AKNA: variants seen among roughly 807,000 people sequenced by gnomAD.
AKNA encodes the protein microtubule organization protein AKNA.
A neutral mutation model predicts 138.8 loss-of-function variants in AKNA; 67 were observed. The observed-to-expected ratio is 0.48, with a 90% confidence interval of 0.40 to 0.59. The LOEUF (loss-of-function observed/expected upper bound fraction) is 0.59. AKNA is among the 20% of genes least tolerant of loss of function. The pLI, the probability that AKNA is intolerant of heterozygous loss-of-function variation, is 0.00. For missense variants in AKNA, 1,813 were observed against 1,880.4 expected, an observed-to-expected ratio of 0.96 and a Z score of 0.66; for synonymous variants, 737 against 754.4, an observed-to-expected ratio of 0.98 and a Z score of 0.38.
chr9:114,389,895 C>A (rs1834270543), upstream of AKNA, among the ~76,000 whole-genome samples: 1 of 152,152 alleles, frequency 6.6e-6, no homozygotes, highest in South Asian at 2.1e-4. Flanking sequence ...TATCCCCTTT[C>A]CTGCCTTTTA....
intron 12 of AKNA, among the ~76,000 whole-genome samples, 178 bp downstream of exon 12, chr9:114,357,743 T>C (rs1831604867): frequency 6.6e-6 from 1 of 151,630 alleles, no homozygotes; most frequent in East Asian, 1.9e-4. Context: ...GAGGGACAGG[T>C]TTGGGGGGTG....
At chr9:114,380,083 C>G (rs747492156) in intron 2 of AKNA, among the ~76,000 whole-genome samples, 4 of 151,288 alleles carry the variant, frequency 2.6e-5, no homozygotes, top group Non-Finnish European at 5.9e-5. Flanking sequence ...CCAGAAAGGT[C>G]GAGGCTGCAG....
chr9:114,387,511 A>G (rs947578049), intron 1 of AKNA, among the ~76,000 whole-genome samples: 2 of 152,134 alleles, frequency 1.3e-5, no homozygotes, highest in Non-Finnish European at 2.9e-5. Flanking sequence ...CCTGCTGCCC[A>G]TGCCTGCATC....
intron 4 of AKNA, among the ~76,000 whole-genome samples, chr9:114,372,728 T>C (rs1832864151): frequency 1.3e-5 from 2 of 152,206 alleles, no homozygotes; most frequent in African/African-American, 2.4e-5. Flanking sequence ...ACTTGGAGTC[T>C]GCAGCCATGG....
chr9:114,390,091 AC>A (rs1414060889), upstream of AKNA, among the ~76,000 whole-genome samples: 1 of 151,964 alleles, frequency 6.6e-6, no homozygotes, highest in Non-Finnish European at 1.5e-5. Context: ...GGCAGCATTA[AC>A]CCAGGTGGCT....
At chr9:114,364,446 C>G in intron 7 of AKNA, 114 bp downstream of exon 7, 1 of 1,079,892 alleles carries the variant, frequency 9.3e-7, no homozygotes, top group Non-Finnish European at 1.4e-6. Flanking sequence ...TAAAAGAGAC[C>G]CTGTGTCTGG....
intron 9 of AKNA, among the ~76,000 whole-genome samples, chr9:114,361,027 CCA>C (rs1437877400): frequency 6.6e-6 from 1 of 152,160 alleles, no homozygotes; most frequent in East Asian, 1.9e-4. Context: ...TCTCTTAAGT[CCA>C]CACATGCTTC....
downstream of AKNA, among the ~76,000 whole-genome samples, chr9:114,332,350 C>T (rs1214652631): frequency 5.3e-5 from 8 of 152,102 alleles, no homozygotes; most frequent in Non-Finnish European, 1.2e-4. Flanking sequence ...CACTGCAGCA[C>T]GGCCACAGTC....
intron 6 of AKNA, among the ~76,000 whole-genome samples, chr9:114,367,274 A>G (rs867895887): frequency 3.3e-5 from 5 of 152,120 alleles, no homozygotes; most frequent in Non-Finnish European, 5.9e-5. Flanking sequence ...GCCTAGAGAC[A>G]CTTCCAAGCA....
chr9:114,332,547 A>G (rs565835310), downstream of AKNA, among the ~76,000 whole-genome samples: 1 of 152,182 alleles, frequency 6.6e-6, no homozygotes, highest in East Asian at 1.9e-4. Context: ...TGACTATTCA[A>G]AGAAAAACAA....
intron 3 of AKNA, 141 bp from the exon 4 acceptor site, chr9:114,374,308 TGAGCA>T: frequency 1.2e-6 from 1 of 814,682 alleles, no homozygotes; most frequent in Non-Finnish European, 2.0e-6. Context: ...GGATCCGAGC[TGAGCA>T]ATCTTCAGGC....
At position 114,381,323 on chromosome 9, in the gene AKNA, G is replaced by A. The variant is rs1393273816; in HGVS notation, c.11C>T (p.Ser4Leu). Residue 4 changes from serine to leucine, a missense_variant, in exon 2 of 22, where the codon TCG (serine) becomes TTG (leucine). By Grantham distance (145) the Ser-to-Leu change is moderately radical. Transcript: ENST00000374088. Reference sequence around the variant, plus strand: ...CTCAGCCCAGCGGATCTCAGTCTCCGAGCTGGCCATTGGGGCTGGCCTGGG... The same window carrying A: ...CTCAGCCCAGCGGATCTCAGTCTCCAAGCTGGCCATTGGGGCTGGCCTGGG... Reference protein sequence around the residue: MASSETEIRWAEPG... With the variant: MASLETEIRWAEPG... The A allele has an allele frequency of 5.0e-6, 8 of 1,593,898 alleles. No individual in the cohort carries two copies. Among genetic ancestry groups the A allele is most frequent in the South Asian group, 3.4e-5 (3 of 88,872 alleles).
At chr9:114,392,782 T>A (rs1472511884), upstream of AKNA, among the ~76,000 whole-genome samples, 1 of 151,778 alleles carries the variant, frequency 6.6e-6, no homozygotes, top group Non-Finnish European at 1.5e-5. Flanking sequence ...TGGAGGGAGG[T>A]GCTGACATTT....
Position 114,352,708 on chromosome 9 carries a change from G to A in AKNA, c.3059-1687C>T, listed in dbSNP as rs1002168408. On this transcript the variant is annotated intron_variant, in intron 14 of 21. Transcript: ENST00000374088. ...GAGGCCGAGGCGGGCGGGTCACAAG[G>A]TCAGGAGTTCGAGACCAGCCTGACC... is the stretch of plus-strand genomic sequence containing the variant. 3.3e-5 allele frequency among the ~76,000 whole-genome samples: 5 copies of A among 152,262 alleles called. No individual in the cohort carries two copies. The South Asian group carries it at 6.2e-4, about 19-fold the overall frequency.
At position 114,335,895 on chromosome 9, in the gene AKNA, C is replaced by G. The variant is rs1829971142; in HGVS notation, c.*1159G>C. On this transcript the variant is annotated 3_prime_UTR_variant, in exon 22 of 22. Transcript: ENST00000374088. ...TGTGCCTCATTTACATCTCTGGCCTCAGTCAAAAGGGACTTGGCTAGGCAG... is the reference window on the plus strand; with the variant it reads ...TGTGCCTCATTTACATCTCTGGCCTGAGTCAAAAGGGACTTGGCTAGGCAG... 1 of 152,252 alleles carries G rather than the reference C, an allele frequency of 6.6e-6. No individual in the cohort carries two copies. The highest frequency in any genetic ancestry group is 1.5e-5 in the Non-Finnish European group (1 of 68,066). 9.4% of individuals were successfully genotyped at this position (152,252 alleles called of 1,614,324 possible). A position where few individuals can be genotyped will look rare whatever the true frequency, so the allele number is the denominator to read the frequency against.
chr9:114,382,772 C>G (rs1589032829), intron 1 of AKNA, among the ~76,000 whole-genome samples: 1 of 152,028 alleles, frequency 6.6e-6, no homozygotes, highest in Admixed American at 6.6e-5. Context: ...AATATCCAGG[C>G]AAGGTAACTC....
Position 114,381,156 on chromosome 9 carries a change from G to A in AKNA, c.178C>T (p.Arg60Cys), listed in dbSNP as rs774808237. Residue 60 changes from arginine to cysteine, a missense_variant, in exon 2 of 22, where the codon CGC (arginine) becomes TGC (cysteine). By Grantham distance (180) the Arg-to-Cys change is radical. Transcript: ENST00000374088. The part of the protein sequence containing the change: ...ATSPELLEDF[R>C]LAQQHLPPLE... ...GGCGGCAGGTGCTGCTGGGCCAGGC[G>A]GAAGTCCTCTAGGAGCTCGGGGCTG... The A allele has an allele frequency of 1.2e-5, 19 of 1,613,934 alleles. No individual in the cohort carries two copies. The East Asian group carries it at 1.3e-4, about 11-fold the overall frequency.
At chr9:114,367,126 G>C (rs904332317) in intron 6 of AKNA, among the ~76,000 whole-genome samples, 5 of 152,144 alleles carry the variant, frequency 3.3e-5, no homozygotes, top group African/African-American at 9.7e-5. Flanking sequence ...GAAGACCCTT[G>C]AGAAGTAACT....
chr9:114,352,231 G>C (rs1216284746), intron 14 of AKNA, among the ~76,000 whole-genome samples: 1 of 152,188 alleles, frequency 6.6e-6, no homozygotes, highest in East Asian at 1.9e-4. Flanking sequence ...GGAAAACTGA[G>C]TAAAGGCACA....
Sources: allele counts gnomAD v4.1 joint callset (sites outside exome capture counted in the v4.1 genomes callset), GRCh38; gene constraint gnomAD v4.1.1; transcripts MANE v1.5; gene names NCBI Gene and HGNC (gene_info 2026-07-23, HGNC 2026-07-21).